The following RORA variants were observed in gnomAD, a reference collection of about 807,000 sequenced individuals.
RORA encodes the protein RAR related orphan receptor A.
Under a neutral mutation model 69.5 loss-of-function variants are expected in RORA, and 7 were observed. That is an observed-to-expected ratio of 0.10 (90% CI 0.06 to 0.19). The LOEUF (loss-of-function observed/expected upper bound fraction) is 0.19. Among genes scored for constraint, RORA ranks in the 10% least tolerant of loss-of-function variants. The pLI, the probability that RORA is intolerant of heterozygous loss-of-function variation, is 1.00. For missense variants in RORA, 457 were observed against 663.0 expected (o/e 0.69, Z 3.41); for synonymous variants, 261 against 240.8 (o/e 1.08, Z -0.78).
At chr15:60,986,290 C>T (rs1894200377) in intron 1 of RORA, among the ~76,000 whole-genome samples, 2 of 152,102 alleles carry the variant, frequency 1.3e-5, no homozygotes, top group African/African-American at 4.8e-5. Flanking sequence ...CACACCACCA[C>T]ACCCAGCTAA....
At chr15:60,929,579 G>A (rs1397770231) in intron 1 of RORA, among the ~76,000 whole-genome samples, 4 of 152,160 alleles carry the variant, frequency 2.6e-5, no homozygotes, top group African/African-American at 4.8e-5. Context: ...ACTGAGATGC[G>A]CACTTAGCTG....
chr15:60,925,090 A>C lies in RORA; in HGVS notation c.167-246404T>G, dbSNP rs1032551398. ...CAAGCTTCTGTCTCAAAAATAAATA[A>C]ATTAATAAAATAAAATAAAATAAAA... On this transcript the variant is annotated intron_variant, in intron 1 of 10. Coordinates refer to ENST00000335670, the MANE Select transcript of RORA (RefSeq NM_134261.3). Among the ~76,000 whole-genome samples, 9 of 137,980 alleles carry C rather than the reference A, an allele frequency of 6.5e-5. No individual in the cohort carries two copies. The South Asian group carries it at 2.1e-3, about 32-fold the overall frequency. 90.5% of individuals were successfully genotyped at this position (137,980 alleles called of 152,430 possible). A position where few individuals can be genotyped will look rare whatever the true frequency, so the allele number is the denominator to read the frequency against.
chr15:60,514,540 G>T, intron 4 of RORA, 76 bp downstream of exon 4: 1 of 1,417,502 alleles, frequency 7.1e-7, no homozygotes, highest in Non-Finnish European at 9.9e-7. Context: ...GCAGATATTG[G>T]CAGATCTGAG....
chr15:61,101,871 G>A (rs1456420649), intron 1 of RORA, among the ~76,000 whole-genome samples: 1 of 152,090 alleles, frequency 6.6e-6, no homozygotes, highest in Admixed American at 6.5e-5. Flanking sequence ...TATGAATGCT[G>A]GAAGTAATTC....
chr15:61,004,290 G>C (rs189904408), intron 1 of RORA, among the ~76,000 whole-genome samples: 116 of 151,860 alleles, frequency 7.6e-4, no homozygotes, highest in African/African-American at 2.6e-3. Flanking sequence ...GAAAGAGAGA[G>C]AGACAGACTA....
chr15:61,080,822 G>A (rs1247488120), intron 1 of RORA, among the ~76,000 whole-genome samples: 3 of 152,162 alleles, frequency 2.0e-5, no homozygotes, highest in Admixed American at 6.5e-5. Context: ...AAGAATTCAG[G>A]TCGGCCCAAT....
chr15:61,138,242 C>G (rs1411687865), intron 1 of RORA, among the ~76,000 whole-genome samples: 1 of 152,074 alleles, frequency 6.6e-6, no homozygotes, highest in Non-Finnish European at 1.5e-5. Flanking sequence ...AATTAAACAA[C>G]ATGATTTATT....
chr15:60,841,524 G>A (rs1221047744), intron 1 of RORA, among the ~76,000 whole-genome samples: 1 of 152,118 alleles, frequency 6.6e-6, no homozygotes, highest in East Asian at 1.9e-4. Flanking sequence ...GGAGAAGGAG[G>A]CCCCTGCCAT....
chr15:61,149,905 G>A (rs564426058), intron 1 of RORA, among the ~76,000 whole-genome samples: 5 of 152,102 alleles, frequency 3.3e-5, no homozygotes, highest in Admixed American at 6.6e-5. Context: ...AACAGATATC[G>A]GACTGGGAGT....
At chr15:60,844,173 C>G (rs2073236078) in intron 1 of RORA, among the ~76,000 whole-genome samples, 1 of 152,148 alleles carries the variant, frequency 6.6e-6, no homozygotes, top group Non-Finnish European at 1.5e-5. Flanking sequence ...CACCTCTCTG[C>G]CCTTCCTGAG....
chr15:60,942,998 T>C (rs530155828), intron 1 of RORA, among the ~76,000 whole-genome samples: 1 of 152,392 alleles, frequency 6.6e-6, no homozygotes, highest in East Asian at 1.9e-4. Flanking sequence ...AATGGTTGAA[T>C]AACAACTTCC....
chr15:61,192,398 A>G (rs2079808933), intron 1 of RORA, among the ~76,000 whole-genome samples: 1 of 152,222 alleles, frequency 6.6e-6, no homozygotes, highest in Non-Finnish European at 1.5e-5. Context: ...AATCTATACA[A>G]TCAGTAAAAG....
chr15:61,120,918 G>A (rs2079097285), intron 1 of RORA, among the ~76,000 whole-genome samples: 1 of 151,064 alleles, frequency 6.6e-6, no homozygotes. Flanking sequence ...TGTGATCTCG[G>A]CTCACTGCAA....
chr15:61,175,804 A>G (rs1248831493), intron 1 of RORA, among the ~76,000 whole-genome samples: 1 of 152,168 alleles, frequency 6.6e-6, no homozygotes, highest in African/African-American at 2.4e-5. Context: ...CCACAAAGCT[A>G]AGTCTCAGAC....
At chr15:61,182,313 C>A (rs1447180788) in intron 1 of RORA, among the ~76,000 whole-genome samples, 4 of 152,214 alleles carry the variant, frequency 2.6e-5, no homozygotes, top group African/African-American at 4.8e-5. Flanking sequence ...GACCAGTCCT[C>A]AGGGTTTCCT....
chr15:60,539,872 CCTCT>C (rs2066805131), intron 2 of RORA, among the ~76,000 whole-genome samples: 2 of 152,010 alleles, frequency 1.3e-5, no homozygotes, highest in Admixed American at 1.3e-4. Context: ...GCGTAAGGTC[CCTCT>C]AAGATTCTAG....
At chr15:60,763,309 C>T (rs1445775886) in intron 1 of RORA, among the ~76,000 whole-genome samples, 1 of 151,906 alleles carries the variant, frequency 6.6e-6, no homozygotes, top group East Asian at 1.9e-4. Context: ...TTAGATGTTT[C>T]CCCCGCCCTG....
At chr15:61,136,185 C>G (rs897771215) in intron 1 of RORA, among the ~76,000 whole-genome samples, 1 of 152,104 alleles carries the variant, frequency 6.6e-6, no homozygotes, top group African/African-American at 2.4e-5. Context: ...CCTCCCCCAC[C>G]CAAATATTAC....
intron 1 of RORA, among the ~76,000 whole-genome samples, chr15:61,035,672 A>C (rs1896423296): frequency 6.6e-6 from 1 of 152,184 alleles, no homozygotes; most frequent in South Asian, 2.1e-4. Context: ...TGAATCACTC[A>C]CTATGAAATG....
Sources: gnomAD v4.1 joint callset for allele counts (sites outside exome capture counted in the v4.1 genomes callset) on GRCh38, gnomAD v4.1.1 for gene constraint, MANE v1.5 for transcripts, NCBI Gene and HGNC (gene_info 2026-07-23, HGNC 2026-07-21) for gene names.